DMXL1: variants seen among roughly 807,000 people sequenced by gnomAD.
The protein encoded by DMXL1 is Dmx like 1.
DMXL1 carries 99 observed loss-of-function variants against 319.2 expected under a neutral mutation model. The ratio of observed to expected loss-of-function variants is 0.31; its 90% CI spans 0.26 to 0.37. The LOEUF is 0.37. DMXL1 is among the 10% of genes least tolerant of loss of function. The pLI, the probability that DMXL1 is intolerant of heterozygous loss-of-function variation, is 1.00. For synonymous variants in DMXL1, 1,385 were observed against 1,235.2 expected (o/e 1.12, Z -2.54); for missense variants, 3,745 against 3,595.6 (o/e 1.04, Z -1.06).
chr5:119,194,067 C>G (rs1454136770), intron 30 of DMXL1, 97 bp downstream of exon 30: 11 of 829,614 alleles, frequency 1.3e-5, no homozygotes, highest in Non-Finnish European at 1.9e-5. Context: ...AGCTTGTTGA[C>G]TTTATAACAC....
At chr5:119,231,272 TA>T (rs1238908444) in intron 38 of DMXL1, among the ~76,000 whole-genome samples, 2 of 152,166 alleles carry the variant, frequency 1.3e-5, no homozygotes, top group East Asian at 1.9e-4. Context: ...TGTTTATGCA[TA>T]AAATTAGCTG....
At chr5:119,238,926 C>T (rs1581497006) in intron 40 of DMXL1, 63 bp from the exon 41 acceptor site, 1 of 1,592,016 alleles carries the variant, frequency 6.3e-7, no homozygotes, top group South Asian at 1.1e-5. Context: ...TCGAAGAATA[C>T]ATTTACCTGG....
intron 37 of DMXL1, among the ~76,000 whole-genome samples, chr5:119,224,189 T>C (rs947946688): frequency 2.0e-5 from 3 of 152,080 alleles, no homozygotes; most frequent in Admixed American, 2.0e-4. Context: ...TAAGATAACA[T>C]ATATTTGTAG....
intron 19 of DMXL1, among the ~76,000 whole-genome samples, chr5:119,158,704 T>G (rs1332610265): frequency 6.6e-6 from 1 of 152,244 alleles, no homozygotes; most frequent in Non-Finnish European, 1.5e-5. Flanking sequence ...GGATGTCGAA[T>G]TTTATCAGAT....
intron 1 of DMXL1, chr5:119,081,514 A>C: frequency 1.1e-6 from 1 of 943,582 alleles, no homozygotes; most frequent in Non-Finnish European, 1.3e-6. Flanking sequence ...AAACATCTTC[A>C]CACTTAAGTC....
chr5:119,195,697 A>T (rs1910788), intron 30 of DMXL1, among the ~76,000 whole-genome samples: 2 of 152,194 alleles, frequency 1.3e-5, no homozygotes, highest in Non-Finnish European at 2.9e-5. Context: ...CCTGAACTAT[A>T]AACTTAAAAA....
At chr5:119,193,397 C>A (rs1409560429) in intron 29 of DMXL1, among the ~76,000 whole-genome samples, 1 of 152,148 alleles carries the variant, frequency 6.6e-6, no homozygotes, top group Non-Finnish European at 1.5e-5. Context: ...CTTGTTCCTT[C>A]TTGTCATTTA....
chr5:119,145,706 T>G (rs1768372947), intron 15 of DMXL1, among the ~76,000 whole-genome samples: 1 of 151,770 alleles, frequency 6.6e-6, no homozygotes, highest in Non-Finnish European at 1.5e-5. Flanking sequence ...TTCTTCAATT[T>G]TTAATGTATT....
chr5:119,189,640 T>C lies in DMXL1; in HGVS notation c.7136-68T>C, dbSNP rs549348608. On this transcript the variant is annotated intron_variant, in intron 28 of 43. Coordinates refer to ENST00000539542, the MANE Select transcript of DMXL1 (RefSeq NM_001290321.3). ...TATTTGTAGTTAACCTTAGCTCTTATGTAAACACAGGTGAAATAAATGCAA... is the reference window on the plus strand; with the variant it reads ...TATTTGTAGTTAACCTTAGCTCTTACGTAAACACAGGTGAAATAAATGCAA... 209 of 1,464,806 alleles carry C rather than the reference T, an allele frequency of 1.4e-4. 4 individuals carry two copies. In the South Asian group the frequency reaches 2.3e-3, roughly 16 times the overall value. 90.7% of individuals were successfully genotyped at this position (1,464,806 alleles called of 1,614,324 possible).
At chr5:119,132,685 A>T in intron 10 of DMXL1, 1 of 443,262 alleles carries the variant, frequency 2.3e-6, no homozygotes, top group South Asian at 1.7e-5. Flanking sequence ...AAAAAAAAAA[A>T]AAAAATGGAG....
At chr5:119,196,545 G>C (rs1205707751) in intron 31 of DMXL1, 89 bp downstream of exon 31, 11 of 880,564 alleles carry the variant, frequency 1.2e-5, no homozygotes, top group South Asian at 3.0e-5. Flanking sequence ...GGTCTGGACT[G>C]GGGGGAAAAT....
At chr5:119,184,265 C>T (rs1426116069) in intron 28 of DMXL1, among the ~76,000 whole-genome samples, 3 of 152,060 alleles carry the variant, frequency 2.0e-5, no homozygotes, top group Admixed American at 6.5e-5. Context: ...CAAGGTCTCA[C>T]TATACCCAGG....
chr5:119,083,581 G>A (rs1481334306), intron 1 of DMXL1, among the ~76,000 whole-genome samples: 33 of 151,886 alleles, frequency 2.2e-4, no homozygotes, highest in Admixed American at 2.2e-3. Context: ...TTGCTCTGTT[G>A]CCCAGGCTGG....
chr5:119,079,604 C>A (rs193200850), intron 1 of DMXL1, among the ~76,000 whole-genome samples: 1 of 152,182 alleles, frequency 6.6e-6, no homozygotes, highest in Non-Finnish European at 1.5e-5. Context: ...CTTTTTTCTC[C>A]TTAGTCACTG....
chr5:119,122,140 A>AC (rs1232054221), intron 9 of DMXL1, among the ~76,000 whole-genome samples: 6 of 78,404 alleles, frequency 7.7e-5, no homozygotes, highest in African/African-American at 2.6e-4. Context: ...CGGGGGGCTG[A>AC]CCCCCCCACC....
At position 119,149,901 on chromosome 5, in the gene DMXL1, G is replaced by C. The variant is rs747902458; in HGVS notation, c.4074G>C (p.Val1358=). 1.2e-6 allele frequency: 2 copies of C among 1,613,870 alleles called. No individual in the cohort carries two copies. The highest frequency in any genetic ancestry group is 3.3e-5 in the Admixed American group (2 of 59,932). ...TTAAGTGCATTGCTGGGGAAGTTGT[G>C]GCTCTGAATGAAGCTGAATCTAATC... ...HLVKCIAGEV[V]ALNEAESNHE... Residue 1358 remains valine (V), a synonymous_variant, in exon 18 of 44, where the codon GTG becomes GTC. Transcript: ENST00000539542.
intron 25 of DMXL1, among the ~76,000 whole-genome samples, chr5:119,173,776 G>GTTTATATATATATATATATATATATA: frequency 1.5e-5 from 1 of 67,170 alleles, no homozygotes; most frequent in African/African-American, 5.6e-5. Context: ...ATGTGTGTGT[G>GTTTATATATATATATATATATATATA]TATATATATA....
In DMXL1 at chr5:119,221,046, C is replaced by G. The variant is rs772305397; in HGVS notation, c.8242C>G (p.Leu2748Val). 1.2e-6 allele frequency: 2 copies of G among 1,613,712 alleles called. No individual in the cohort carries two copies. The highest frequency in any genetic ancestry group is 4.5e-5 in the East Asian group (2 of 44,796). The change falls in exon 37 of 44, where the codon CTT (leucine) becomes GTT (valine). Residue 2748 changes from leucine (L) to valine (V), a missense_variant. Leu to Val is a conservative substitution (Grantham distance 32, BLOSUM62 1). Transcript: ENST00000539542. ...TGGCACTCCAATCAACATGCCATGGCTTGGTAGTACACAGACTGGCAGAGG... is the reference window on the plus strand; with the variant it reads ...TGGCACTCCAATCAACATGCCATGGGTTGGTAGTACACAGACTGGCAGAGG... ...NPGTPINMPW[L>V]GSTQTGRGAS...
intron 38 of DMXL1, among the ~76,000 whole-genome samples, chr5:119,227,278 ATG>A (rs1447268176): frequency 1.3e-5 from 2 of 152,184 alleles, no homozygotes; most frequent in East Asian, 3.9e-4. Flanking sequence ...AAAATGTTTA[ATG>A]TGTTTTCCCT....
Sources: allele counts gnomAD v4.1 joint callset (sites outside exome capture counted in the v4.1 genomes callset), GRCh38; gene constraint gnomAD v4.1.1; transcripts MANE v1.5; gene names NCBI Gene and HGNC (gene_info 2026-07-23, HGNC 2026-07-21).